Variants in EDEM1 observed in about 807,000 individuals in gnomAD.
EDEM1 encodes the protein ER degradation enhancing alpha-mannosidase like protein 1, also known as ER degradation-enhancing alpha-mannosidase-like protein 1.
EDEM1 carries 67 observed loss-of-function variants against 74.4 expected under a neutral mutation model. That is an observed-to-expected ratio of 0.90 (90% CI 0.74 to 1.10). EDEM1 has a LOEUF of 1.10. EDEM1 is among the 50% of genes least tolerant of loss of function. The probability of loss-of-function intolerance (pLI) is 0.00; values close to 1 mark genes in which losing one functional copy is unlikely to be tolerated. For synonymous variants in EDEM1, 382 were observed against 335.9 expected, an observed-to-expected ratio of 1.14 and a Z score of -1.50; for missense variants, 926 against 851.6, an observed-to-expected ratio of 1.09 and a Z score of -1.09.
Position 5,207,074 on chromosome 3 carries a change from C to G in EDEM1, c.1218-79C>G. 5 of 1,553,016 alleles carry G rather than the reference C, an allele frequency of 3.2e-6. No homozygotes were observed. In the South Asian group the frequency reaches 3.6e-5, roughly 11 times the overall value. ...TAATGTTAATTCCGTTTAAATGAAA[C>G]TACCAGCAGCTGCTGGAGAGGTAGA... On this transcript the variant is annotated intron_variant, in intron 6 of 11. Coordinates refer to ENST00000256497, the MANE Select transcript of EDEM1 (RefSeq NM_014674.3).
In EDEM1 at chr3:5,207,143, G is replaced by C; in HGVS notation, c.1218-10G>C. 6.2e-7 allele frequency: 1 copy of C among 1,613,760 alleles called. No individual in the cohort carries two copies. The highest frequency in any genetic ancestry group is 1.1e-5 in the South Asian group (1 of 91,034). On this transcript the variant is annotated splice_polypyrimidine_tract_variant and intron_variant, in intron 6 of 11. Coordinates refer to ENST00000256497, the MANE Select transcript of EDEM1 (RefSeq NM_014674.3). ...CTTTTCACCACTGAATGTGCTGCTTGGGTTTGCAGGCGGGAAGCCTGCAAT... is the reference window on the plus strand; with the variant it reads ...CTTTTCACCACTGAATGTGCTGCTTCGGTTTGCAGGCGGGAAGCCTGCAAT...
chr3:5,202,302 A>G (rs937938427), intron 4 of EDEM1, among the ~76,000 whole-genome samples: 1 of 152,218 alleles, frequency 6.6e-6, no homozygotes, highest in Non-Finnish European at 1.5e-5. Context: ...TCACATGGGT[A>G]TTGCGGGAGC....
chr3:5,207,011 G>A, intron 6 of EDEM1, 142 bp from the exon 7 acceptor site: 1 of 1,101,508 alleles, frequency 9.1e-7, no homozygotes. Context: ...AAGGCAGTCT[G>A]TCTGCAGAGG....
intron 1 of EDEM1, among the ~76,000 whole-genome samples, chr3:5,190,118 CCCA>C (rs1249086500): frequency 6.6e-6 from 1 of 151,826 alleles, no homozygotes; most frequent in Non-Finnish European, 1.5e-5. Context: ...ATCATAAAAT[CCCA>C]CCAGCTATTT....
intron 1 of EDEM1, among the ~76,000 whole-genome samples, chr3:5,192,158 A>T (rs2054909774): frequency 6.6e-6 from 1 of 152,134 alleles, no homozygotes; most frequent in Non-Finnish European, 1.5e-5. Flanking sequence ...TTATTTGCTC[A>T]GTTCTTCTTT....
intron 1 of EDEM1, among the ~76,000 whole-genome samples, chr3:5,193,379 C>T (rs1037471132): frequency 1.3e-5 from 2 of 152,118 alleles, no homozygotes. Context: ...TTTTGGCTGT[C>T]ACTTGCGCTT....
chr3:5,192,047 C>G (rs1258338815), intron 1 of EDEM1, among the ~76,000 whole-genome samples: 1 of 152,232 alleles, frequency 6.6e-6, no homozygotes, highest in Non-Finnish European at 1.5e-5. Context: ...TCAAGATGGC[C>G]TCCTCTGCAT....
rs140907416 is a variant in EDEM1, at chr3:5,195,891, G to C, written c.582+610G>C. On this transcript the variant is annotated intron_variant, in intron 2 of 11. Coordinates refer to ENST00000256497, the MANE Select transcript of EDEM1 (RefSeq NM_014674.3). ...GATATGCAGAAGCACCTTGAAGGCAGTGTGGCACTCAGTACATGGTGCCAT... is the reference window on the plus strand; with the variant it reads ...GATATGCAGAAGCACCTTGAAGGCACTGTGGCACTCAGTACATGGTGCCAT... 1.4e-3 allele frequency among the ~76,000 whole-genome samples: 207 copies of C among 152,382 alleles called. 1 individual carries two copies. Among genetic ancestry groups the C allele is most frequent in the African/African-American group, 4.9e-3 (202 of 41,590 alleles).
At position 5,218,094 on chromosome 3, in the gene EDEM1, C is replaced by T. The variant is rs1164246155; in HGVS notation, c.*2176C>T. On this transcript the variant is annotated 3_prime_UTR_variant, in exon 12 of 12. Transcript: ENST00000256497. ...ATAGGGAATAGGGATCTCATGCTTG[C>T]AAACTACACAATGCTGCAGGTGCTT... 6.6e-6 allele frequency: 1 copy of T among 152,352 alleles called. No individual in the cohort carries two copies. The highest frequency in any genetic ancestry group is 1.5e-5 in the Non-Finnish European group (1 of 68,056). The allele number at this position is 152,352 out of a possible 1,614,324, so 9.4% of individuals were successfully genotyped here.
Position 5,204,072 on chromosome 3 carries a change from A to C in EDEM1, c.1042+923A>C, listed in dbSNP as rs545011081. Among the ~76,000 whole-genome samples the C allele has an allele frequency of 1.4e-3, 208 of 152,288 alleles. 1 individual carries two copies. Among genetic ancestry groups the C allele is most frequent in the African/African-American group, 4.9e-3 (203 of 41,564 alleles). On this transcript the variant is annotated intron_variant, in intron 5 of 11. Transcript: ENST00000256497. ...CTCATGTAACTGTCTTAAGTTCTGA[A>C]ATTTATGTATACATTTGTTGTATTT...
At chr3:5,202,124 A>T (rs146218050) in intron 4 of EDEM1, among the ~76,000 whole-genome samples, 200 bp downstream of exon 4, 5 of 152,370 alleles carry the variant, frequency 3.3e-5, no homozygotes, top group African/African-American at 1.2e-4. Flanking sequence ...CACTGTATGA[A>T]AGGCAAACAG....
chr3:5,196,294 TA>T (rs556441229), intron 2 of EDEM1, among the ~76,000 whole-genome samples: 38 of 152,216 alleles, frequency 2.5e-4, no homozygotes, highest in African/African-American at 8.2e-4. Flanking sequence ...CCTTCTCTAC[TA>T]AAAGTACAAA....
intron 6 of EDEM1, 71 bp downstream of exon 6, chr3:5,205,312 T>C: frequency 6.8e-7 from 1 of 1,462,236 alleles, no homozygotes; most frequent in Non-Finnish European, 9.3e-7. Context: ...GTTTGTATTT[T>C]TTTTAACACA....
chr3:5,191,721 G>T (rs566936683), intron 1 of EDEM1, among the ~76,000 whole-genome samples: 14 of 152,030 alleles, frequency 9.2e-5, no homozygotes, highest in Non-Finnish European at 2.1e-4. Context: ...TTGTTCTTGG[G>T]GAGGTATCAG....
At position 5,217,151 on chromosome 3, in the gene EDEM1, T is replaced by G. The variant is rs982262901; in HGVS notation, c.*1233T>G. 7 of 152,672 alleles carry G rather than the reference T, an allele frequency of 4.6e-5. No individual in the cohort carries two copies. The allele number at this position is 152,672 out of a possible 1,614,324, so 9.5% of individuals were successfully genotyped here. A position where few individuals can be genotyped will look rare whatever the true frequency, so the allele number is the denominator to read the frequency against. ...GGGGATGGAAATTGCTTGGCCAGTC[T>G]TTGCCTTTCATCCTGTAAAAGTAAG... is the stretch of plus-strand genomic sequence containing the variant. On this transcript the variant is annotated 3_prime_UTR_variant, in exon 12 of 12. Coordinates refer to ENST00000256497, the MANE Select transcript of EDEM1 (RefSeq NM_014674.3).
chr3:5,213,595 A>C, intron 11 of EDEM1, 73 bp downstream of exon 11: 1 of 1,411,580 alleles, frequency 7.1e-7, no homozygotes, highest in Non-Finnish European at 9.6e-7. Context: ...AGTTGTTCAG[A>C]CTTCCTGACA....
rs367844319 is a variant in EDEM1 at position 5,199,721 on chromosome 3, G to A, written c.686+26G>A. On this transcript the variant is annotated intron_variant, in intron 3 of 11. Transcript: ENST00000256497. ...GTAAAATAATGAATATTCATAAAAT[G>A]AATTGGAGACTTCTTTTTATGTGTT... 19 of 1,574,434 alleles carry A rather than the reference G, an allele frequency of 1.2e-5. No individual in the cohort carries two copies. In the South Asian group the frequency reaches 2.2e-4, roughly 18 times the overall value.
At chr3:5,208,388 A>T in intron 8 of EDEM1, 125 bp downstream of exon 8, 2 of 1,151,046 alleles carry the variant, frequency 1.7e-6, no homozygotes. Context: ...TGATTGAGTT[A>T]CCCCCTATCC....
At chr3:5,195,317 G>T in intron 2 of EDEM1, 36 bp downstream of exon 2, 1 of 1,399,544 alleles carries the variant, frequency 7.1e-7, no homozygotes, top group Non-Finnish European at 9.7e-7. Flanking sequence ...AATGAATTAA[G>T]ATGTTTTAGA....
Sources: gnomAD v4.1 joint callset for allele counts (sites outside exome capture counted in the v4.1 genomes callset) on GRCh38, gnomAD v4.1.1 for gene constraint, MANE v1.5 for transcripts, NCBI Gene and HGNC (gene_info 2026-07-23, HGNC 2026-07-21) for gene names.